AUTS2: variants seen among roughly 807,000 people sequenced by gnomAD.
AUTS2 encodes autism susceptibility gene 2 protein.
In AUTS2, 17 loss-of-function variants were observed where a neutral mutation model predicts 112.4. That is an observed-to-expected ratio of 0.15 (90% CI 0.10 to 0.23). The LOEUF (loss-of-function observed/expected upper bound fraction) is 0.23, where lower values mean the gene tolerates loss of function less well. Among genes scored for constraint, AUTS2 ranks in the 10% least tolerant of loss-of-function variants. AUTS2 has a pLI of 1.00. For missense variants in AUTS2, 1,510 were observed against 1,701.6 expected (o/e 0.89, Z 1.98); for synonymous variants, 751 against 702.7 (o/e 1.07, Z -1.09).
intron 5 of AUTS2, among the ~76,000 whole-genome samples, chr7:70,440,443 G>T (rs1455543490): frequency 6.6e-6 from 1 of 151,982 alleles, no homozygotes; most frequent in East Asian, 1.9e-4. Flanking sequence ...GAAGGCATCT[G>T]GCTCAGTGCC....
At chr7:70,159,858 A>G (rs1188022377) in intron 4 of AUTS2, among the ~76,000 whole-genome samples, 1 of 152,222 alleles carries the variant, frequency 6.6e-6, no homozygotes, top group East Asian at 1.9e-4. Flanking sequence ...ATCTTATTAT[A>G]GTTAGATATA....
intron 1 of AUTS2, among the ~76,000 whole-genome samples, chr7:69,631,254 G>GT (rs1229514016): frequency 6.6e-6 from 1 of 151,948 alleles, no homozygotes; most frequent in African/African-American, 2.4e-5. Flanking sequence ...CCAAGGTCTT[G>GT]TGCTTGCACA....
chr7:70,583,489 G>A (rs1280549227), intron 5 of AUTS2, among the ~76,000 whole-genome samples: 2 of 152,244 alleles, frequency 1.3e-5, no homozygotes, highest in Non-Finnish European at 2.9e-5. Context: ...TAAGTAGCCA[G>A]TCGTTAACTC....
At chr7:69,978,245 T>G (rs906907410) in intron 2 of AUTS2, among the ~76,000 whole-genome samples, 2 of 152,230 alleles carry the variant, frequency 1.3e-5, no homozygotes, top group African/African-American at 4.8e-5. Context: ...TACATTTGCA[T>G]CTTCATACCC....
At chr7:70,239,425 G>A (rs1000316901) in intron 4 of AUTS2, among the ~76,000 whole-genome samples, 1 of 152,010 alleles carries the variant, frequency 6.6e-6, no homozygotes, top group African/African-American at 2.4e-5. Context: ...AGCCAGCCCT[G>A]CAACCTAATT....
At chr7:69,778,331 C>CT (rs1419726053) in intron 1 of AUTS2, among the ~76,000 whole-genome samples, 1 of 150,742 alleles carries the variant, frequency 6.6e-6, no homozygotes, top group East Asian at 1.9e-4. Flanking sequence ...ATAGACCACA[C>CT]TTGGAGAACT....
chr7:69,968,738 G>A (rs1042598795), intron 2 of AUTS2, among the ~76,000 whole-genome samples: 1 of 151,988 alleles, frequency 6.6e-6, no homozygotes, highest in Admixed American at 6.6e-5. Flanking sequence ...AAAATTGTGC[G>A]ACTGTCTTTA....
chr7:69,903,561 A>T (rs572274804), intron 2 of AUTS2, among the ~76,000 whole-genome samples: 1 of 152,334 alleles, frequency 6.6e-6, no homozygotes, highest in East Asian at 1.9e-4. Context: ...CAGAGGAAAT[A>T]GGCTTAAGTG....
intron 5 of AUTS2, among the ~76,000 whole-genome samples, chr7:70,642,887 C>G (rs17141924): frequency 0.086 from 13,068 of 152,256 alleles, 797 homozygotes; most frequent in African/African-American, 0.16. Flanking sequence ...TGCCTCTGCC[C>G]GTTGATGGCA....
intron 1 of AUTS2, among the ~76,000 whole-genome samples, chr7:69,875,582 C>A (rs1793693996): frequency 1.3e-5 from 2 of 152,034 alleles, no homozygotes; most frequent in South Asian, 4.2e-4. Context: ...GAAAATGGCT[C>A]ACAGGTCTGT....
chr7:70,479,836 T>C (rs1797720556), intron 5 of AUTS2, among the ~76,000 whole-genome samples: 1 of 152,164 alleles, frequency 6.6e-6, no homozygotes, highest in South Asian at 2.1e-4. Flanking sequence ...CACCACTTAC[T>C]TGAAAAACCC....
chr7:70,601,639 A>G (rs948225173), intron 5 of AUTS2, among the ~76,000 whole-genome samples: 3 of 152,188 alleles, frequency 2.0e-5, no homozygotes, highest in Non-Finnish European at 2.9e-5. Context: ...TGGCGGCTGC[A>G]GACTGCTGGA....
chr7:70,705,998 C>T (rs545085176), intron 6 of AUTS2, among the ~76,000 whole-genome samples: 3 of 152,298 alleles, frequency 2.0e-5, no homozygotes, highest in South Asian at 2.1e-4. Context: ...TGAAGGGCCA[C>T]CTTGTCCCAT....
intron 1 of AUTS2, among the ~76,000 whole-genome samples, chr7:69,718,838 C>A (rs1410414427): frequency 6.6e-6 from 1 of 152,144 alleles, no homozygotes; most frequent in Non-Finnish European, 1.5e-5. Flanking sequence ...TCTATTAATT[C>A]TTTGCAAAAT....
intron 15 of AUTS2, chr7:70,782,736 A>ACAAGT: frequency 6.6e-6 from 1 of 152,322 alleles, no homozygotes; most frequent in Middle Eastern, 3.4e-3. Flanking sequence ...TCCTTACGAG[A>ACAAGT]CAAGTCTTAC....
chr7:70,579,955 A>T (rs760400199), intron 5 of AUTS2, among the ~76,000 whole-genome samples: 1 of 152,216 alleles, frequency 6.6e-6, no homozygotes, highest in Non-Finnish European at 1.5e-5. Context: ...CTGCTCTGAG[A>T]AGCAGGCTGC....
intron 5 of AUTS2, among the ~76,000 whole-genome samples, chr7:70,698,320 G>A (rs940983155): frequency 6.6e-6 from 1 of 152,132 alleles, no homozygotes; most frequent in African/African-American, 2.4e-5. Flanking sequence ...AATATGTTTT[G>A]CACAGATAAT....
chr7:70,616,414 C>T (rs1804367842), intron 5 of AUTS2, among the ~76,000 whole-genome samples: 1 of 152,210 alleles, frequency 6.6e-6, no homozygotes, highest in Non-Finnish European at 1.5e-5. Context: ...TTCTCCCTGG[C>T]TGAGTGCTGA....
At chr7:70,499,829 A>C (rs1798701976) in intron 5 of AUTS2, among the ~76,000 whole-genome samples, 1 of 152,218 alleles carries the variant, frequency 6.6e-6, no homozygotes, top group South Asian at 2.1e-4. Context: ...TCCCAGATGT[A>C]GATAGGAGGT....
Sources: gnomAD v4.1 joint callset for allele counts (sites outside exome capture counted in the v4.1 genomes callset) on GRCh38, gnomAD v4.1.1 for gene constraint, MANE v1.5 for transcripts, NCBI Gene and HGNC (gene_info 2026-07-23, HGNC 2026-07-21) for gene names.